The following ATXN2 variants were observed in gnomAD, a reference collection of about 807,000 sequenced individuals.
ATXN2 encodes the protein ataxin 2.
Under a neutral mutation model 138.6 loss-of-function variants are expected in ATXN2, and 37 were observed. The observed-to-expected ratio is 0.27, with a 90% confidence interval of 0.21 to 0.35. The LOEUF is 0.35. Ranked by LOEUF, ATXN2 falls within the 10% of genes least tolerant of loss-of-function variation. ATXN2 has a pLI of 1.00. For synonymous variants in ATXN2, 549 were observed against 543.7 expected (o/e 1.01, Z -0.13); for missense variants, 1,216 against 1,480.3 (o/e 0.82, Z 2.93).
rs1566009874 is a variant in ATXN2 at position 111,470,689 on chromosome 12, G to A, written c.2578C>T (p.His860Tyr). Residue 860 changes from histidine (H) to tyrosine (Y), a missense_variant, in exon 19 of 25, where the codon CAC becomes TAC. Around this residue, in one of 4 missense-constraint regions of ATXN2, gnomAD observed 490 missense variants for 653.5 expected, o/e 0.75. Transcript: ENST00000673436. ...QDQHHQSAMM[H>Y]PASAAGPPIA... ...GGTGGGCCCGCTGCTGACGCTGGGTGCATCATGGCACTCTGATGATGCTGG... is the reference window on the plus strand; with the variant it reads ...GGTGGGCCCGCTGCTGACGCTGGGTACATCATGGCACTCTGATGATGCTGG... 6.2e-7 allele frequency: 1 copy of A among 1,614,126 alleles called. No individual in the cohort carries two copies. Among genetic ancestry groups the A allele is most frequent in the Non-Finnish European group, 8.5e-7 (1 of 1,180,038 alleles).
intron 5 of ATXN2, among the ~76,000 whole-genome samples, chr12:111,534,427 T>C (rs1881028213): frequency 6.6e-6 from 1 of 151,986 alleles, no homozygotes; most frequent in Non-Finnish European, 1.5e-5. Flanking sequence ...TGTAAACTTT[T>C]CAAAAATCAA....
intron 18 of ATXN2, chr12:111,479,164 A>T (rs1877032763): frequency 2.6e-6 from 1 of 388,088 alleles, no homozygotes; most frequent in African/African-American, 2.1e-5. Flanking sequence ...CATTCATAAT[A>T]GCCAAAAGCT....
chr12:111,452,766 T>C lies in ATXN2; in HGVS notation c.*46A>G. 1.3e-6 allele frequency: 2 copies of C among 1,571,906 alleles called. No homozygotes were observed. The highest frequency in any genetic ancestry group is 2.2e-5 in the East Asian group (1 of 44,670). The stretch of plus-strand genomic sequence containing the variant: ...CTGTGCTTCCAGTTGGTAGAAGCAG[T>C]AGAAGGGAGGAGGGAATTTGGCCTT... On this transcript the variant is annotated 3_prime_UTR_variant, in exon 25 of 25. Coordinates refer to ENST00000673436, the MANE Select transcript of ATXN2 (RefSeq NM_001372574.1).
intron 21 of ATXN2, among the ~76,000 whole-genome samples, chr12:111,464,119 A>G (rs181032690): frequency 2.4e-4 from 37 of 152,210 alleles, no homozygotes; most frequent in African/African-American, 7.5e-4. Flanking sequence ...TTAGCCATGC[A>G]CAGGACTGAA....
chr12:111,485,919 T>C, intron 16 of ATXN2, 54 bp from the exon 17 acceptor site: 8 of 1,544,508 alleles, frequency 5.2e-6, no homozygotes, highest in African/African-American at 1.4e-5. Flanking sequence ...GAACTATTAT[T>C]GCAATTTAAA....
chr12:111,565,100 T>C (rs1882919877), intron 1 of ATXN2, among the ~76,000 whole-genome samples: 1 of 152,178 alleles, frequency 6.6e-6, no homozygotes, highest in Non-Finnish European at 1.5e-5. Context: ...AGAAATGTCA[T>C]GAATGTCCCC....
chr12:111,592,660 G>A (rs1298163163), intron 1 of ATXN2, among the ~76,000 whole-genome samples: 1 of 150,468 alleles, frequency 6.6e-6, no homozygotes, highest in Non-Finnish European at 1.5e-5. Flanking sequence ...GTGTGCGCAT[G>A]TAGACCCAGC....
chr12:111,598,332 T>G lies in ATXN2; in HGVS notation c.251+452A>C. On this transcript the variant is annotated intron_variant, in intron 1 of 24. Coordinates refer to ENST00000673436, the MANE Select transcript of ATXN2 (RefSeq NM_001372574.1). This position sits in a 1 kb window ranked among gnomAD's most constrained non-coding sequence, Gnocchi z 4.5. ...TTCTCCCCTCCAGAGATGTCCCCCATGGAGGGGGACATGTTCCGGAAAACG... is the reference window on the plus strand; with the variant it reads ...TTCTCCCCTCCAGAGATGTCCCCCAGGGAGGGGGACATGTTCCGGAAAACG... 1 of 991,486 alleles carries G rather than the reference T, an allele frequency of 1.0e-6. No homozygotes were observed. 61.4% of individuals were successfully genotyped at this position (991,486 alleles called of 1,614,324 possible). A position where few individuals can be genotyped will look rare whatever the true frequency, so the allele number is the denominator to read the frequency against.
At chr12:111,504,595 G>A (rs552743426) in intron 14 of ATXN2, among the ~76,000 whole-genome samples, 16 of 152,234 alleles carry the variant, frequency 1.1e-4, no homozygotes, top group African/African-American at 3.6e-4. Context: ...GCCTGGCCAA[G>A]AATAGTCTTT....
At position 111,470,690 on chromosome 12, in the gene ATXN2, C is replaced by T. The variant is rs1876351388; in HGVS notation, c.2577G>A (p.Met859Ile). The T allele has an allele frequency of 1.2e-6, 2 of 1,614,082 alleles. No homozygotes were observed. The highest frequency in any genetic ancestry group is 1.7e-6 in the Non-Finnish European group (2 of 1,180,030). ...GTGGGCCCGCTGCTGACGCTGGGTG[C>T]ATCATGGCACTCTGATGATGCTGGT... The part of the protein sequence containing the change: ...RQDQHHQSAM[M>I]HPASAAGPPI... The change falls in exon 19 of 25, where the codon ATG becomes ATA. Residue 859 changes from methionine (M) to isoleucine (I), a missense_variant. Physicochemically the swap from Met to Ile is conservative, Grantham distance 10 (BLOSUM62 1). Around this residue, in one of 4 missense-constraint regions of ATXN2, gnomAD observed 490 missense variants for 653.5 expected, o/e 0.75. Transcript: ENST00000673436.
At chr12:111,577,512 GC>G (rs1566076161) in intron 1 of ATXN2, among the ~76,000 whole-genome samples, 1 of 151,978 alleles carries the variant, frequency 6.6e-6, no homozygotes, top group South Asian at 2.1e-4. Flanking sequence ...TGATCCACCC[GC>G]CTCGGCCTCC....
chr12:111,598,978 TTGC>T lies in ATXN2; in HGVS notation c.54_56del (p.Gln28del), dbSNP rs193922927. On this transcript the variant is annotated inframe_deletion, in exon 1 of 25. Coordinates refer to ENST00000673436, the MANE Select transcript of ATXN2 (RefSeq NM_001372574.1). The surrounding 1 kb of genome is among the most constrained non-coding windows in gnomAD (Gnocchi z 4.5). ...GCTGCTGCTGCTGCTGCTGCTGCTG[TTGC>T]TGCTGCTGCTGCTGCTGCTGCTGCT... 257 of 1,288,308 alleles carry T rather than the reference TTGC, an allele frequency of 2.0e-4. No homozygotes were observed. The highest frequency in any genetic ancestry group is 5.1e-4 in the Admixed American group (21 of 40,928). 79.8% of individuals were successfully genotyped at this position (1,288,308 alleles called of 1,614,324 possible).
At position 111,452,740 on chromosome 12, in the gene ATXN2, T is replaced by C. The variant is rs1368614280; in HGVS notation, c.*72A>G. 1 of 1,456,856 alleles carries C rather than the reference T, an allele frequency of 6.9e-7. No homozygotes were observed. The allele number at this position is 1,456,856 out of a possible 1,614,324, so 90.2% of individuals were successfully genotyped here. On this transcript the variant is annotated 3_prime_UTR_variant, in exon 25 of 25. Coordinates refer to ENST00000673436, the MANE Select transcript of ATXN2 (RefSeq NM_001372574.1). ...AACAAAATAAATGAAATTCTAGTTT[T>C]CTGTGCTTCCAGTTGGTAGAAGCAG...
chr12:111,579,731 C>T (rs1566077603), intron 1 of ATXN2, among the ~76,000 whole-genome samples: 1 of 146,532 alleles, frequency 6.8e-6, no homozygotes, highest in Non-Finnish European at 1.5e-5. Context: ...AAGAGTCTCA[C>T]TATGTCACCC....
intron 1 of ATXN2, among the ~76,000 whole-genome samples, chr12:111,565,541 G>A (rs564453588): frequency 3.9e-5 from 6 of 152,010 alleles, no homozygotes; most frequent in South Asian, 4.2e-4. Flanking sequence ...ATCAGTAATC[G>A]TTGATGTTAC....
At chr12:111,487,447 G>A (rs1388508582) in intron 15 of ATXN2, among the ~76,000 whole-genome samples, 1 of 149,834 alleles carries the variant, frequency 6.7e-6, no homozygotes, top group African/African-American at 2.5e-5. Flanking sequence ...TAACATAACA[G>A]TATCCTTTTA....
chr12:111,541,657 A>G (rs1881525572), intron 5 of ATXN2, among the ~76,000 whole-genome samples: 1 of 149,224 alleles, frequency 6.7e-6, no homozygotes. Flanking sequence ...TAATTCTGAC[A>G]TATTTTGTAG....
At chr12:111,592,290 C>T (rs1393658428) in intron 1 of ATXN2, among the ~76,000 whole-genome samples, 6 of 151,432 alleles carry the variant, frequency 4.0e-5, no homozygotes, top group Non-Finnish European at 8.8e-5. Context: ...TTCGGGAGGG[C>T]TAAGGCAGGA....
chr12:111,537,548 G>A (rs374985543), intron 5 of ATXN2, among the ~76,000 whole-genome samples: 2 of 148,504 alleles, frequency 1.3e-5, no homozygotes, highest in African/African-American at 2.5e-5. Flanking sequence ...ATGCCACTGC[G>A]CTCCAGCCTG....
Sources: allele counts gnomAD v4.1 joint callset (sites outside exome capture counted in the v4.1 genomes callset), GRCh38; gene constraint gnomAD v4.1.1; regional missense constraint gnomAD v4.1.1; non-coding constraint Gnocchi (gnomAD v3.1); transcripts MANE v1.5; gene names NCBI Gene and HGNC (gene_info 2026-07-23, HGNC 2026-07-21).